Variants in NPAS2 observed in about 807,000 individuals in gnomAD.
NPAS2 encodes neuronal PAS domain protein 2.
Under a neutral mutation model 107.5 loss-of-function variants are expected in NPAS2, and 23 were observed. The observed-to-expected ratio is 0.21, with a 90% CI of 0.15 to 0.30. NPAS2 has a LOEUF of 0.30. NPAS2 is among the 10% of genes least tolerant of loss of function. The pLI, the probability that NPAS2 is intolerant of heterozygous loss-of-function variation, is 1.00. For synonymous variants in NPAS2, 403 were observed against 417.5 expected, an observed-to-expected ratio of 0.97 and a Z score of 0.42; for missense variants, 756 against 1,043.3, an observed-to-expected ratio of 0.72 and a Z score of 3.79.
rs559504128 is a variant in NPAS2 at position 100,829,619 on chromosome 2, T to G, written c.-23+9205T>G. Among the ~76,000 whole-genome samples the G allele has an allele frequency of 3.0e-4, 45 of 152,308 alleles. 1 individual carries two copies. Among genetic ancestry groups the G allele is most frequent in the Middle Eastern group, 6.8e-3 (2 of 294 alleles). On this transcript the variant is annotated intron_variant, in intron 1 of 20. Coordinates refer to ENST00000335681, the MANE Select transcript of NPAS2 (RefSeq NM_002518.4). ...AGCAGCAAAGAGAGAGAGTCTGACT[T>G]CTTCGTTTCCTATTTGGATGCCTTT...
chr2:100,978,505 A>G (rs546885153), intron 15 of NPAS2, among the ~76,000 whole-genome samples: 3 of 151,322 alleles, frequency 2.0e-5, no homozygotes, highest in African/African-American at 2.4e-5. Context: ...CAGCACTATA[A>G]ATATCACATT....
At chr2:100,988,035 T>C (rs1036990742) in intron 16 of NPAS2, 44 bp from the exon 17 acceptor site, 3 of 1,601,606 alleles carry the variant, frequency 1.9e-6, no homozygotes, top group Non-Finnish European at 2.6e-6. Context: ...ACTGGTGAGG[T>C]ACCCATGACC....
chr2:100,955,970 T>G (rs1033710773), intron 7 of NPAS2, among the ~76,000 whole-genome samples: 2 of 152,132 alleles, frequency 1.3e-5, no homozygotes, highest in African/African-American at 2.4e-5. Context: ...AGTAGCACCA[T>G]CATGGTTCGC....
intron 7 of NPAS2, among the ~76,000 whole-genome samples, chr2:100,954,800 T>TTAA (rs67655709): frequency 1.3e-5 from 2 of 151,260 alleles, no homozygotes; most frequent in Non-Finnish European, 2.9e-5. Context: ...AGATGTAATA[T>TTAA]TAATAATAAT....
chr2:100,881,836 C>T (rs763586741), intron 1 of NPAS2, among the ~76,000 whole-genome samples: 20 of 152,204 alleles, frequency 1.3e-4, no homozygotes, highest in Non-Finnish European at 2.6e-4. Flanking sequence ...CTCCACATGC[C>T]ACGGACAGTG....
chr2:100,977,614 G>A lies in NPAS2; in HGVS notation c.1393-96G>A, dbSNP rs931840120. On this transcript the variant is annotated intron_variant, in intron 14 of 20. Transcript: ENST00000335681. ...TCTTGACTTGGAGCTGTTCACCCCA[G>A]TGCGGAACGCAGAGAACCCACCGGA... 3.9e-6 allele frequency: 4 copies of A among 1,018,768 alleles called. No individual in the cohort carries two copies. The African/African-American group carries it at 6.3e-5, about 16-fold the overall frequency. 63.1% of individuals were successfully genotyped at this position (1,018,768 alleles called of 1,614,324 possible).
intron 7 of NPAS2, among the ~76,000 whole-genome samples, chr2:100,954,569 G>A (rs1471023737): frequency 6.6e-6 from 1 of 151,428 alleles, no homozygotes; most frequent in African/African-American, 2.4e-5. Context: ...GGAGGCTGAG[G>A]CATATGAATT....
intron 1 of NPAS2, among the ~76,000 whole-genome samples, chr2:100,857,860 T>G (rs1678682336): frequency 6.6e-6 from 1 of 152,266 alleles, no homozygotes; most frequent in East Asian, 1.9e-4. Flanking sequence ...ACTTGGTCTC[T>G]CTTATGTCTG....
chr2:100,907,717 G>T (rs1038584896), intron 2 of NPAS2, among the ~76,000 whole-genome samples: 1 of 152,110 alleles, frequency 6.6e-6, no homozygotes, highest in Non-Finnish European at 1.5e-5. Context: ...CAAGGCTTTC[G>T]ATGCTTTAGG....
intron 2 of NPAS2, among the ~76,000 whole-genome samples, chr2:100,915,889 A>G (rs1289781322): frequency 2.0e-5 from 3 of 152,212 alleles, no homozygotes; most frequent in African/African-American, 7.2e-5. Flanking sequence ...CAAAAACAGC[A>G]TAATCTGATA....
intron 7 of NPAS2, among the ~76,000 whole-genome samples, chr2:100,962,515 A>G (rs1004202149): frequency 6.6e-6 from 1 of 152,196 alleles, no homozygotes; most frequent in Admixed American, 6.5e-5. Flanking sequence ...CTGGCTGCAC[A>G]CTGGTGAACC....
chr2:100,829,359 G>A lies in NPAS2; in HGVS notation c.-23+8945G>A, dbSNP rs113570868. Among the ~76,000 whole-genome samples the A allele has an allele frequency of 1.2e-3, 185 of 152,160 alleles. 1 individual carries two copies. The highest frequency in any genetic ancestry group is 4.3e-3 in the African/African-American group (180 of 41,532). On this transcript the variant is annotated intron_variant, in intron 1 of 20. Transcript: ENST00000335681. The stretch of plus-strand genomic sequence containing the variant: ...GTAGAGATGAGGTTTTGCCATGTTG[G>A]CCAGGCTGGTCTCGAACTCCTGACC...
At chr2:100,870,777 A>G (rs368283205) in intron 1 of NPAS2, among the ~76,000 whole-genome samples, 90 of 152,242 alleles carry the variant, frequency 5.9e-4, no homozygotes, top group African/African-American at 1.9e-3. Flanking sequence ...CACACCCCCA[A>G]CCAGCACTAT....
chr2:100,995,639 G>C lies in NPAS2; in HGVS notation c.*57G>C. 1 of 1,569,686 alleles carries C rather than the reference G, an allele frequency of 6.4e-7. No individual in the cohort carries two copies. ...CTTTAACCAATGGATGAGGGGGGTG[G>C]CCACAGGAGATGGGGAGAGGAGTCT... On this transcript the variant is annotated 3_prime_UTR_variant, in exon 21 of 21. Coordinates refer to ENST00000335681, the MANE Select transcript of NPAS2 (RefSeq NM_002518.4).
intron 1 of NPAS2, among the ~76,000 whole-genome samples, chr2:100,857,738 T>G (rs1243427299): frequency 6.6e-6 from 1 of 152,246 alleles, no homozygotes; most frequent in Non-Finnish European, 1.5e-5. Context: ...ACCCGGCGTC[T>G]GCTACAGGGC....
intron 1 of NPAS2, among the ~76,000 whole-genome samples, chr2:100,884,031 G>A (rs533584831): frequency 6.6e-6 from 1 of 152,284 alleles, no homozygotes; most frequent in East Asian, 1.9e-4. Flanking sequence ...CCAGACTCCT[G>A]TCTTCATGTC....
At chr2:100,870,798 G>A (rs1434523830) in intron 1 of NPAS2, among the ~76,000 whole-genome samples, 1 of 152,210 alleles carries the variant, frequency 6.6e-6, no homozygotes, top group African/African-American at 2.4e-5. Flanking sequence ...GGTGTGAGGG[G>A]CTGTGCATGT....
chr2:100,913,871 C>A (rs2104826880), intron 2 of NPAS2, among the ~76,000 whole-genome samples: 1 of 152,294 alleles, frequency 6.6e-6, no homozygotes, highest in South Asian at 2.1e-4. Context: ...TCAAAGTATT[C>A]TTGGCACAGG....
At chr2:100,945,066 T>G (rs895378350) in intron 5 of NPAS2, among the ~76,000 whole-genome samples, 2 of 152,200 alleles carry the variant, frequency 1.3e-5, no homozygotes, top group Non-Finnish European at 2.9e-5. Flanking sequence ...GAGAATGGGC[T>G]TAAAATAAAA....
Sources: allele counts gnomAD v4.1 joint callset (sites outside exome capture counted in the v4.1 genomes callset), GRCh38; gene constraint gnomAD v4.1.1; transcripts MANE v1.5; gene names NCBI Gene and HGNC (gene_info 2026-07-23, HGNC 2026-07-21).